The following SOX6 variants were observed in gnomAD, a reference collection of about 807,000 sequenced individuals.
The protein encoded by SOX6 is transcription factor SOX-6.
In SOX6, 11 loss-of-function variants were observed where a neutral mutation model predicts 97.8. That is an observed-to-expected ratio of 0.11 (90% CI 0.07 to 0.19). The LOEUF (loss-of-function observed/expected upper bound fraction) is 0.19, where lower values mean the gene tolerates loss of function less well. Among genes scored for constraint, SOX6 ranks in the 10% least tolerant of loss-of-function variants. SOX6 has a pLI of 1.00. For missense variants in SOX6, 810 were observed against 1,039.5 expected (o/e 0.78, Z 3.04); for synonymous variants, 360 against 371.4 (o/e 0.97, Z 0.35).
chr11:16,384,209 C>A (rs929355693), intron 1 of SOX6, among the ~76,000 whole-genome samples: 2 of 13,444 alleles, frequency 1.5e-4, no homozygotes, highest in African/African-American at 4.7e-4. Context: ...TCTATTTTTT[C>A]TAAACAAGAA....
At chr11:16,379,152 A>G (rs1384476719) in intron 1 of SOX6, among the ~76,000 whole-genome samples, 2 of 152,140 alleles carry the variant, frequency 1.3e-5, no homozygotes, top group Non-Finnish European at 1.5e-5. Flanking sequence ...AAAGGTTATG[A>G]GTAAGAAATT....
intron 1 of SOX6, among the ~76,000 whole-genome samples, chr11:16,396,114 T>G (rs928309733): frequency 6.6e-5 from 10 of 151,684 alleles, no homozygotes; most frequent in Non-Finnish European, 1.5e-4. Flanking sequence ...GCATCAGATG[T>G]TAGGGGTTCT....
Position 16,503,333 on chromosome 11 carries a change from C to A in SOX6, n.610-26945G>T, listed in dbSNP as rs144767080. Among the ~76,000 whole-genome samples the A allele has an allele frequency of 8.3e-3, 1,243 of 149,652 alleles. 17 individuals carry two copies. Among genetic ancestry groups the A allele is most frequent in the African/African-American group, 0.029 (1,189 of 40,892 alleles). On this transcript the variant is annotated intron_variant and non_coding_transcript_variant, in intron 4 of 5. Transcript: ENST00000524520. The stretch of plus-strand genomic sequence containing the variant: ...AGAAAGAATTCAAATGTTACCACTA[C>A]AGAAAATTACCAAACCACAATGTTA...
chr11:16,413,390 A>G (rs1667584253), intron 1 of SOX6, among the ~76,000 whole-genome samples: 1 of 151,864 alleles, frequency 6.6e-6, no homozygotes, highest in Admixed American at 6.6e-5. Context: ...CTAAAAATTT[A>G]TTTTGATGGA....
intron 1 of SOX6, among the ~76,000 whole-genome samples, chr11:16,439,999 C>G (rs993488282): frequency 6.6e-6 from 1 of 152,108 alleles, no homozygotes; most frequent in Non-Finnish European, 1.5e-5. Flanking sequence ...TATATAGACA[C>G]CAAGCACTGA....
chr11:16,114,323 T>C (rs1233467554), intron 6 of SOX6, among the ~76,000 whole-genome samples: 2 of 152,204 alleles, frequency 1.3e-5, no homozygotes, highest in African/African-American at 4.8e-5. Context: ...CTTGACTGTG[T>C]AATCTTGAAC....
chr11:16,408,512 A>G (rs1377640338), intron 1 of SOX6, among the ~76,000 whole-genome samples: 1 of 152,204 alleles, frequency 6.6e-6, no homozygotes, highest in Non-Finnish European at 1.5e-5. Flanking sequence ...GATTAAAATT[A>G]TCATACAATT....
upstream of SOX6, among the ~76,000 whole-genome samples, chr11:16,478,246 T>A (rs1386711362): frequency 6.6e-6 from 1 of 152,240 alleles, no homozygotes; most frequent in Non-Finnish European, 1.5e-5. Context: ...TTCTGGCAAC[T>A]ACTTTTTTAA....
intron 6 of SOX6, among the ~76,000 whole-genome samples, chr11:16,176,887 T>C (rs999868166): frequency 1.3e-5 from 2 of 152,022 alleles, no homozygotes; most frequent in East Asian, 2.0e-4. Flanking sequence ...GCTCTGATAA[T>C]ACTTGCTTTT....
intron 4 of SOX6, among the ~76,000 whole-genome samples, chr11:16,202,698 C>T (rs1331288939): frequency 6.6e-6 from 1 of 152,072 alleles, no homozygotes; most frequent in Non-Finnish European, 1.5e-5. Flanking sequence ...CTAAAATTTT[C>T]AAGCTTATAC....
At chr11:16,268,954 T>G (rs1475392852) in intron 3 of SOX6, among the ~76,000 whole-genome samples, 3 of 150,950 alleles carry the variant, frequency 2.0e-5, no homozygotes, top group African/African-American at 7.3e-5. Context: ...TCTAGCATGC[T>G]TTTCCTTTAT....
At chr11:16,544,389 G>A (rs2133179864) in intron 4 of SOX6, among the ~76,000 whole-genome samples, 1 of 152,048 alleles carries the variant, frequency 6.6e-6, no homozygotes, top group East Asian at 1.9e-4. Context: ...CTCCAAAGTA[G>A]CTGAGACCAC....
At chr11:16,636,708 G>A (rs1848795618) in intron 3 of SOX6, among the ~76,000 whole-genome samples, 1 of 152,168 alleles carries the variant, frequency 6.6e-6, no homozygotes, top group African/African-American at 2.4e-5. Flanking sequence ...GGAGGGACCT[G>A]GTGGGAGGCA....
chr11:16,197,747 G>A (rs904624806), intron 4 of SOX6, among the ~76,000 whole-genome samples: 1 of 151,996 alleles, frequency 6.6e-6, no homozygotes, highest in Admixed American at 6.6e-5. Flanking sequence ...ACAATATTCA[G>A]GGCACAGAAA....
chr11:16,612,101 G>A (rs1035827874), exon 4 of SOX6: 6 of 152,638 alleles, frequency 3.9e-5, no homozygotes, highest in African/African-American at 1.2e-4. Flanking sequence ...GGCAGGCTGC[G>A]GGAGAAAAGC....
intron 6 of SOX6, among the ~76,000 whole-genome samples, chr11:16,128,910 G>A (rs1849671053): frequency 1.3e-5 from 2 of 152,080 alleles, no homozygotes; most frequent in South Asian, 4.1e-4. Flanking sequence ...GCCCAGGCAG[G>A]AGTGCAATAG....
intron 4 of SOX6, among the ~76,000 whole-genome samples, chr11:16,546,187 A>G (rs1158532887): frequency 1.3e-5 from 2 of 152,180 alleles, no homozygotes; most frequent in African/African-American, 4.8e-5. Context: ...ATGCTGATGA[A>G]AGAAATTGAA....
At chr11:16,381,514 T>C (rs1444981011) in intron 1 of SOX6, among the ~76,000 whole-genome samples, 1 of 152,004 alleles carries the variant, frequency 6.6e-6, no homozygotes, top group East Asian at 1.9e-4. Context: ...TAAAATATGT[T>C]CAATTTTTTT....
intron 1 of SOX6, chr11:16,382,357 T>C (rs1857848253): frequency 6.6e-6 from 1 of 152,036 alleles, no homozygotes; most frequent in Admixed American, 6.6e-5. Context: ...GAAGCGTCTA[T>C]TGCTGTCATT....
Sources: gnomAD v4.1 joint callset for allele counts (sites outside exome capture counted in the v4.1 genomes callset) on GRCh38, gnomAD v4.1.1 for gene constraint, MANE v1.5 for transcripts, NCBI Gene and HGNC (gene_info 2026-07-23, HGNC 2026-07-21) for gene names.